Variants in PCDHA9 observed in about 807,000 individuals in gnomAD.
The protein encoded by PCDHA9 is protocadherin alpha 9.
A neutral mutation model predicts 62.0 loss-of-function variants in PCDHA9; 62 were observed. The observed-to-expected ratio is 1.00, with a 90% CI of 0.81 to 1.23. The LOEUF (loss-of-function observed/expected upper bound fraction) is 1.23. Among genes scored for constraint, PCDHA9 ranks in the 50% most tolerant of loss-of-function variants. The probability of loss-of-function intolerance (pLI) is 0.00; values close to 1 mark genes in which losing one functional copy is unlikely to be tolerated. For synonymous variants in PCDHA9, 557 were observed against 567.6 expected (o/e 0.98, Z 0.27); for missense variants, 1,205 against 1,249.8 (o/e 0.96, Z 0.54).
intron 1 of PCDHA9, among the ~76,000 whole-genome samples, chr5:140,912,002 A>T (rs1452427916): frequency 6.6e-6 from 1 of 152,236 alleles, no homozygotes; most frequent in Non-Finnish European, 1.5e-5. Flanking sequence ...ACAATAGGCC[A>T]TCTGCAAGCT....
rs1006692100 is a variant in PCDHA9 at position 140,968,013 on chromosome 5, G to A, written c.2395-10936G>A. Reference sequence around the variant, plus strand: ...CTGCCTTTCCGACTGAATGGCTTTGGAAACTCCTATACACTGGTGGTGAGC... The same window carrying A: ...CTGCCTTTCCGACTGAATGGCTTTGAAAACTCCTATACACTGGTGGTGAGC... On this transcript the variant is annotated intron_variant, in intron 1 of 3. Coordinates refer to ENST00000532602, the MANE Select transcript of PCDHA9 (RefSeq NM_031857.2). 2.5e-6 allele frequency: 4 copies of A among 1,614,066 alleles called. No individual in the cohort carries two copies. The African/African-American group carries it at 4.0e-5, about 16-fold the overall frequency.
At chr5:140,925,866 G>A (rs952823745) in intron 1 of PCDHA9, among the ~76,000 whole-genome samples, 2 of 152,002 alleles carry the variant, frequency 1.3e-5, no homozygotes, top group Admixed American at 1.3e-4. Flanking sequence ...TATTGCTATT[G>A]ACTGGTTTAT....
intron 1 of PCDHA9, among the ~76,000 whole-genome samples, chr5:140,903,309 A>C (rs1435676177): frequency 6.6e-6 from 1 of 152,226 alleles, no homozygotes; most frequent in Non-Finnish European, 1.5e-5. Context: ...GTATACAATA[A>C]AGACAGCATT....
chr5:140,942,497 G>A (rs189402882), intron 1 of PCDHA9, among the ~76,000 whole-genome samples: 1 of 152,040 alleles, frequency 6.6e-6, no homozygotes, highest in Admixed American at 6.6e-5. Context: ...TAAATACATG[G>A]TATCTAGGAA....
At chr5:140,936,762 G>A (rs190223178) in intron 1 of PCDHA9, among the ~76,000 whole-genome samples, 224 of 152,210 alleles carry the variant, frequency 1.5e-3, no homozygotes, top group Non-Finnish European at 2.6e-3. Context: ...ATATCTAATT[G>A]TGTAAGTTCT....
At position 140,960,518 on chromosome 5, in the gene PCDHA9, G is replaced by A. The variant is rs555475003; in HGVS notation, c.2395-18431G>A. Among the ~76,000 whole-genome samples the A allele has an allele frequency of 2.6e-5, 4 of 152,176 alleles. No homozygotes were observed. The East Asian group carries it at 7.7e-4, about 29-fold the overall frequency. ...TTTGTTCCAAGCAGCAAACATAATG[G>A]GTATAGGAAAGAGAAACTGTGGCCT... On this transcript the variant is annotated intron_variant, in intron 1 of 3. Coordinates refer to ENST00000532602, the MANE Select transcript of PCDHA9 (RefSeq NM_031857.2).
chr5:140,898,542 T>G (rs368410152), intron 1 of PCDHA9, among the ~76,000 whole-genome samples: 2 of 152,286 alleles, frequency 1.3e-5, no homozygotes, highest in East Asian at 3.9e-4. Context: ...CTGTTCCATT[T>G]ATCTATGTCT....
Position 141,000,578 on chromosome 5 carries a change from C to T in PCDHA9, c.2543-9049C>T, listed in dbSNP as rs191579983. On this transcript the variant is annotated intron_variant, in intron 3 of 3. Coordinates refer to ENST00000532602, the MANE Select transcript of PCDHA9 (RefSeq NM_031857.2). ...GAGTAGCTGGGATTACAGGTGCCTG[C>T]CACCATGCCCAGCTAATTTTTGTAT... Among the ~76,000 whole-genome samples the T allele has an allele frequency of 3.1e-3, 460 of 150,716 alleles. 6 individuals carry two copies. Among genetic ancestry groups the T allele is most frequent in the Middle Eastern group, 0.01 (3 of 290 alleles).
chr5:140,975,216 G>A (rs1349439819), intron 1 of PCDHA9, among the ~76,000 whole-genome samples: 1 of 152,198 alleles, frequency 6.6e-6, no homozygotes, highest in Non-Finnish European at 1.5e-5. Context: ...TGGCACTGGA[G>A]AATCTTCCCT....
intron 1 of PCDHA9, chr5:140,926,928 G>GT: frequency 1.3e-6 from 2 of 1,574,878 alleles, no homozygotes; most frequent in South Asian, 2.4e-5. Context: ...TATGTTTGTG[G>GT]GTTTCCTGCG....
At position 140,882,112 on chromosome 5, in the gene PCDHA9, C is replaced by A. The variant is rs1399071152; in HGVS notation, c.2394+31223C>A. On this transcript the variant is annotated intron_variant, in intron 1 of 3. Transcript: ENST00000532602. ...CTGAGAACGTTTCCGCGAAGAAAGC[C>A]GCCGTTTCTTTCTTCCTGCAGAAAA... 4 of 1,384,574 alleles carry A rather than the reference C, an allele frequency of 2.9e-6. No individual in the cohort carries two copies. The Admixed American group carries it at 7.3e-5, about 25-fold the overall frequency. 85.8% of individuals were successfully genotyped at this position (1,384,574 alleles called of 1,614,324 possible).
intron 1 of PCDHA9, among the ~76,000 whole-genome samples, chr5:140,942,118 A>C (rs554488765): frequency 1.3e-5 from 2 of 152,360 alleles, no homozygotes; most frequent in East Asian, 3.9e-4. Flanking sequence ...AAACTTTATT[A>C]AAGGTGATAT....
chr5:140,942,310 C>T (rs782391809), intron 1 of PCDHA9, among the ~76,000 whole-genome samples: 14 of 151,402 alleles, frequency 9.2e-5, no homozygotes, highest in East Asian at 1.9e-4. Flanking sequence ...CTTGGGAGGT[C>T]GAGGCACAAG....
At chr5:140,862,809 G>A in intron 1 of PCDHA9, 1 of 572,722 alleles carries the variant, frequency 1.7e-6, no homozygotes, top group Non-Finnish European at 3.4e-6. Context: ...AGCTGCTGCA[G>A]TTCTAGGTGA....
intron 2 of PCDHA9, 91 bp from the exon 3 acceptor site, chr5:140,982,384 C>T (rs1245752901): frequency 6.3e-7 from 1 of 1,584,990 alleles, no homozygotes; most frequent in African/African-American, 1.3e-5. Context: ...GCAGCCCTGG[C>T]TTCATAGTTG....
chr5:140,950,708 T>A (rs1554219597), intron 1 of PCDHA9, among the ~76,000 whole-genome samples: 1 of 152,068 alleles, frequency 6.6e-6, no homozygotes, highest in East Asian at 1.9e-4. Context: ...AAATTTTTGT[T>A]CCTTATATCC....
At chr5:140,870,890 T>A in intron 1 of PCDHA9, 2 of 1,613,954 alleles carry the variant, frequency 1.2e-6, no homozygotes, top group East Asian at 4.5e-5. Flanking sequence ...GTGCGCGCAG[T>A]GGATGCGGAC....
At chr5:140,877,489 G>C (rs782165291) in intron 1 of PCDHA9, 3 of 1,613,844 alleles carry the variant, frequency 1.9e-6, no homozygotes, top group Non-Finnish European at 1.7e-6. Context: ...GGTGGAGAAC[G>C]GCCAGGCCCC....
At chr5:140,924,646 G>A (rs2081930568) in intron 1 of PCDHA9, among the ~76,000 whole-genome samples, 1 of 152,122 alleles carries the variant, frequency 6.6e-6, no homozygotes, top group Non-Finnish European at 1.5e-5. Context: ...TGTAATCCCA[G>A]CACTTTGGGA....
Sources: allele counts gnomAD v4.1 joint callset (sites outside exome capture counted in the v4.1 genomes callset), GRCh38; gene constraint gnomAD v4.1.1; transcripts MANE v1.5; gene names NCBI Gene and HGNC (gene_info 2026-07-23, HGNC 2026-07-21).